IPP: variants seen among roughly 807,000 people sequenced by gnomAD.
IPP encodes the protein intracisternal A particle-promoted polypeptide, also known as actin-binding protein IPP.
In IPP, 41 loss-of-function variants were observed where a neutral mutation model predicts 64.1. The ratio of observed to expected loss-of-function variants is 0.64; its 90% CI spans 0.50 to 0.83. The LOEUF is 0.83. Among genes scored for constraint, IPP ranks in the 40% least tolerant of loss-of-function variants. IPP has a pLI of 0.00. For synonymous variants in IPP, 214 were observed against 235.2 expected (o/e 0.91, Z 0.83); for missense variants, 649 against 703.0 (o/e 0.92, Z 0.87).
intron 2 of IPP, among the ~76,000 whole-genome samples, chr1:45,743,618 G>A (rs1396801693): frequency 2.6e-5 from 4 of 152,088 alleles, no homozygotes; most frequent in African/African-American, 9.7e-5. Context: ...TCAGGAGGCT[G>A]AGGTGGGAGG....
intron 5 of IPP, among the ~76,000 whole-genome samples, chr1:45,727,321 AT>A (rs1645842274): frequency 1.3e-5 from 2 of 152,166 alleles, no homozygotes; most frequent in African/African-American, 2.4e-5. Flanking sequence ...AAGTTCTGGG[AT>A]TACAGGTGTG....
Position 45,729,627 on chromosome 1 carries a change from G to T in IPP, c.867C>A (p.Tyr289Ter). 1.2e-6 allele frequency: 2 copies of T among 1,611,790 alleles called. No homozygotes were observed. Among genetic ancestry groups the T allele is most frequent in the Non-Finnish European group, 1.7e-6 (2 of 1,178,902 alleles). Residue 289 changes from tyrosine (Y) to a stop codon, truncating the protein, a stop_gained, in exon 4 of 9, where the codon TAC becomes TAA. Transcript: ENST00000396478. LOFTEE classifies it high-confidence loss of function. Reference protein sequence around the residue: ...KVRPRKKARKYLYAVGGYTRL... With the variant: ...KVRPRKKARK ...GGGCTCTCTCACCTACTGCATACAG[G>T]TACTTTCTTGCTTTCTTCCGAGGTC...
intron 7 of IPP, among the ~76,000 whole-genome samples, chr1:45,715,513 C>T (rs1212156769): frequency 7.9e-5 from 12 of 151,182 alleles, no homozygotes; most frequent in African/African-American, 9.7e-5. Flanking sequence ...TGGTGGTGGG[C>T]GCCTGTAGTC....
rs1383583805 is a variant in IPP at position 45,714,618 on chromosome 1, C to T, written c.1310-152G>A. 4.9e-6 allele frequency: 3 copies of T among 615,120 alleles called. No individual in the cohort carries two copies. The East Asian group carries it at 8.3e-5, about 17-fold the overall frequency. The allele number at this position is 615,120 out of a possible 1,614,324, so 38.1% of individuals were successfully genotyped here. On this transcript the variant is annotated intron_variant, in intron 7 of 8. Coordinates refer to ENST00000396478, the MANE Select transcript of IPP (RefSeq NM_005897.3). ...TAAGAGAGAAAATCAACTTTGTCAA[C>T]TTTATCACCTCACTATTCAGCAAGT...
At chr1:45,707,355 G>A (rs559965947) in intron 8 of IPP, among the ~76,000 whole-genome samples, 5 of 148,208 alleles carry the variant, frequency 3.4e-5, no homozygotes, top group African/African-American at 1.0e-4. Context: ...CCTGGGAGGC[G>A]GAGCTTGCAA....
intron 5 of IPP, among the ~76,000 whole-genome samples, chr1:45,722,497 A>G (rs1645747014): frequency 6.6e-6 from 1 of 152,216 alleles, no homozygotes; most frequent in Admixed American, 6.5e-5. Context: ...GTGAGTCGAC[A>G]TCGCACCACT....
At chr1:45,719,883 G>A (rs771578494) in intron 5 of IPP, among the ~76,000 whole-genome samples, 3 of 151,864 alleles carry the variant, frequency 2.0e-5, no homozygotes, top group Admixed American at 6.6e-5. Context: ...CTGCCACCGC[G>A]CCCAGGTAAT....
At chr1:45,737,085 C>T (rs1260672598) in intron 3 of IPP, among the ~76,000 whole-genome samples, 1 of 151,698 alleles carries the variant, frequency 6.6e-6, no homozygotes, top group African/African-American at 2.4e-5. Context: ...AAAACATGTC[C>T]CATTTCTAGG....
intron 8 of IPP, among the ~76,000 whole-genome samples, chr1:45,705,560 A>T (rs1645503167): frequency 6.6e-6 from 1 of 152,220 alleles, no homozygotes. Flanking sequence ...TAATCCCAGC[A>T]CTTTGGGAGG....
At chr1:45,737,987 A>G (rs939431206) in intron 3 of IPP, among the ~76,000 whole-genome samples, 1 of 152,174 alleles carries the variant, frequency 6.6e-6, no homozygotes, top group African/African-American at 2.4e-5. Context: ...ATTATTAGCT[A>G]TTATTAATCT....
chr1:45,747,833 T>C (rs1646158676), intron 1 of IPP, among the ~76,000 whole-genome samples: 1 of 16,010 alleles, frequency 6.2e-5, no homozygotes, highest in Non-Finnish European at 1.2e-4. Context: ...AGACTCTGTC[T>C]CAAAAAAAAA....
chr1:45,712,635 A>G (rs1440813824), intron 8 of IPP, among the ~76,000 whole-genome samples: 1 of 151,870 alleles, frequency 6.6e-6, no homozygotes, highest in Non-Finnish European at 1.5e-5. Flanking sequence ...AGGCAGGAAG[A>G]TCACGAGGTC....
At chr1:45,736,498 T>C (rs1645983190) in intron 3 of IPP, among the ~76,000 whole-genome samples, 1 of 152,136 alleles carries the variant, frequency 6.6e-6, no homozygotes, top group South Asian at 2.1e-4. Flanking sequence ...CTGAATTTTA[T>C]AGTCTCATTT....
chr1:45,700,498 C>T (rs1022139200), intron 8 of IPP, among the ~76,000 whole-genome samples: 1 of 152,056 alleles, frequency 6.6e-6, no homozygotes, highest in Non-Finnish European at 1.5e-5. Flanking sequence ...TACACCACCA[C>T]ACCTAGCTAA....
At chr1:45,700,977 T>C (rs1223569720) in intron 8 of IPP, among the ~76,000 whole-genome samples, 1 of 152,222 alleles carries the variant, frequency 6.6e-6, no homozygotes, top group South Asian at 2.1e-4. Context: ...GAATCCTTTT[T>C]ACAAGGAGCA....
chr1:45,703,096 G>A (rs560474621), intron 8 of IPP, among the ~76,000 whole-genome samples: 49 of 151,316 alleles, frequency 3.2e-4, no homozygotes, highest in Non-Finnish European at 5.6e-4. Flanking sequence ...TTTTTTGTTC[G>A]TTTGTTTTAA....
chr1:45,715,363 C>T (rs1012958579), intron 7 of IPP, among the ~76,000 whole-genome samples: 2 of 151,672 alleles, frequency 1.3e-5, no homozygotes, highest in African/African-American at 4.8e-5. Flanking sequence ...TGGGCTAGGC[C>T]GGGCGCGGTG....
intron 2 of IPP, 94 bp from the exon 3 acceptor site, chr1:45,741,426 T>G: frequency 1.2e-6 from 1 of 852,968 alleles, no homozygotes. Flanking sequence ...CACTGATAGT[T>G]TGATGCCTGC....
chr1:45,744,557 T>A (rs1040495334), intron 2 of IPP, among the ~76,000 whole-genome samples: 3 of 152,040 alleles, frequency 2.0e-5, no homozygotes, highest in African/African-American at 7.2e-5. Flanking sequence ...AAATTTTTTT[T>A]TGGCTAGGCG....
Sources: allele counts gnomAD v4.1 joint callset (sites outside exome capture counted in the v4.1 genomes callset), GRCh38; gene constraint gnomAD v4.1.1; transcripts MANE v1.5; gene names NCBI Gene and HGNC (gene_info 2026-07-23, HGNC 2026-07-21).